The following SP100 variants were observed in gnomAD, a reference collection of about 807,000 sequenced individuals.
The protein encoded by SP100 is nuclear autoantigen Sp-100.
A neutral mutation model predicts 130.0 loss-of-function variants in SP100; 84 were observed. The observed-to-expected ratio is 0.65, with a 90% CI of 0.54 to 0.77. The LOEUF (loss-of-function observed/expected upper bound fraction) is 0.77, where lower values mean the gene tolerates loss of function less well. Ranked by LOEUF, SP100 falls within the 30% of genes least tolerant of loss-of-function variation. SP100 has a pLI of 0.00. For synonymous variants in SP100, 331 were observed against 351.7 expected, an observed-to-expected ratio of 0.94 and a Z score of 0.66; for missense variants, 978 against 1,052.2, an observed-to-expected ratio of 0.93 and a Z score of 0.97.
At chr2:230,494,728 C>G (rs1197765539) in intron 18 of SP100, among the ~76,000 whole-genome samples, 1 of 152,132 alleles carries the variant, frequency 6.6e-6, no homozygotes, top group Non-Finnish European at 1.5e-5. Flanking sequence ...AAGGGCTGAG[C>G]TGGTTGACAT....
At chr2:230,496,234 T>C (rs866027495) in intron 18 of SP100, among the ~76,000 whole-genome samples, 8 of 152,252 alleles carry the variant, frequency 5.3e-5, no homozygotes, top group Non-Finnish European at 1.2e-4. Context: ...TTTTCAAACC[T>C]GTTCTCTCAA....
chr2:230,500,081 G>A (rs1354871568), intron 19 of SP100, among the ~76,000 whole-genome samples: 1 of 152,118 alleles, frequency 6.6e-6, no homozygotes, highest in Non-Finnish European at 1.5e-5. Context: ...GATAACCAAA[G>A]AGTCGCCTAA....
chr2:230,540,981 G>C lies in SP100; in HGVS notation c.2316G>C (p.Leu772=). The change falls in exon 26 of 29, where the codon CTG becomes CTC. Residue 772 remains leucine, a synonymous_variant. Coordinates refer to ENST00000340126, the MANE Select transcript of SP100 (RefSeq NM_001080391.2). ...QESEVLMRQM[L]PEEQLKCEFL... ...CTGAAGTCCTGATGAGGCAGATGCT[G>C]CCTGAGGAGCAGTTGGTGAGTAAAA... The C allele has an allele frequency of 6.2e-7, 1 of 1,612,040 alleles. No individual in the cohort carries two copies. Among genetic ancestry groups the C allele is most frequent in the Non-Finnish European group, 8.5e-7 (1 of 1,178,660 alleles).
intron 24 of SP100, among the ~76,000 whole-genome samples, chr2:230,521,027 A>C (rs763513006): frequency 2.6e-5 from 4 of 152,234 alleles, no homozygotes; most frequent in Non-Finnish European, 5.9e-5. Flanking sequence ...GGAACTCATC[A>C]TGAGATTCAG....
chr2:230,472,802 C>A (rs2065339500), intron 15 of SP100, among the ~76,000 whole-genome samples: 1 of 152,106 alleles, frequency 6.6e-6, no homozygotes, highest in Non-Finnish European at 1.5e-5. Flanking sequence ...AATAAGGTGT[C>A]CCCTGGCCCC....
chr2:230,417,735 T>G, intron 2 of SP100, 70 bp downstream of exon 2: 1 of 1,571,058 alleles, frequency 6.4e-7, no homozygotes. Flanking sequence ...GATCAGCTTT[T>G]CATGTTTCTT....
intron 24 of SP100, among the ~76,000 whole-genome samples, chr2:230,514,310 T>C (rs1283568905): frequency 6.6e-6 from 1 of 152,146 alleles, no homozygotes. Context: ...AGCAGAAATA[T>C]AATGCACACA....
At chr2:230,416,862 A>G (rs1170557843) in intron 1 of SP100, 4 of 985,398 alleles carry the variant, frequency 4.1e-6, no homozygotes, top group Non-Finnish European at 3.6e-6. Flanking sequence ...AAAGAAGGAA[A>G]GGGAAGAAAA....
In SP100 at chr2:230,545,115, A is replaced by C. The variant is rs1480890297; in HGVS notation, c.*2169A>C. Among the ~76,000 whole-genome samples the C allele has an allele frequency of 6.6e-6, 1 of 152,374 alleles. No individual in the cohort carries two copies. Among genetic ancestry groups the C allele is most frequent in the African/African-American group, 2.4e-5 (1 of 41,594 alleles). On this transcript the variant is annotated 3_prime_UTR_variant, in exon 29 of 29. Coordinates refer to ENST00000340126, the MANE Select transcript of SP100 (RefSeq NM_001080391.2). ...CCAGAGGAATATAAATCATTCTACC[A>C]TAAAGACACATGCATGCAAATGTCC...
intron 8 of SP100, among the ~76,000 whole-genome samples, chr2:230,455,472 TC>T (rs1470478296): frequency 7.2e-5 from 11 of 152,206 alleles, no homozygotes; most frequent in African/African-American, 2.7e-4. Flanking sequence ...GCATGAAATA[TC>T]TTTTTCTATC....
chr2:230,515,874 G>C (rs1472949292), intron 24 of SP100: 1 of 1,248,370 alleles, frequency 8.0e-7, no homozygotes, highest in African/African-American at 1.5e-5. Flanking sequence ...TTGTAAATTG[G>C]CATGGAAATT....
intron 8 of SP100, among the ~76,000 whole-genome samples, chr2:230,452,818 G>GTTTT (rs371944455): frequency 4.1e-5 from 5 of 122,050 alleles, no homozygotes; most frequent in African/African-American, 1.2e-4. Flanking sequence ...AGTTCTAGCA[G>GTTTT]TTTTTTTTTT....
chr2:230,440,545 A>G, intron 2 of SP100: 1 of 1,380,290 alleles, frequency 7.2e-7, no homozygotes, highest in East Asian at 3.0e-5. Flanking sequence ...GTGCTGGGTA[A>G]AATTAAACAC....
chr2:230,482,869 T>C (rs1434164647), intron 17 of SP100, among the ~76,000 whole-genome samples: 2 of 152,202 alleles, frequency 1.3e-5, no homozygotes, highest in African/African-American at 4.8e-5. Context: ...TCTTGGCTAT[T>C]ACAGCCATTT....
chr2:230,439,524 A>G (rs1428544523), intron 2 of SP100, among the ~76,000 whole-genome samples: 1 of 152,020 alleles, frequency 6.6e-6, no homozygotes, highest in Non-Finnish European at 1.5e-5. Flanking sequence ...CTCCTTGGTT[A>G]GGTATATCCT....
At position 230,524,179 on chromosome 2, in the gene SP100, C is replaced by CAAAAAAAAAAAAAAAAAAAAA. The variant is rs71420292; in HGVS notation, c.2094+13015_2094+13035dup. Among the ~76,000 whole-genome samples the CAAAAAAAAAAAAAAAAAAAAA allele has an allele frequency of 5.3e-5, 4 of 75,420 alleles. 1 individual carries two copies. Among genetic ancestry groups the CAAAAAAAAAAAAAAAAAAAAA allele is most frequent in the African/African-American group, 1.1e-4 (2 of 18,572 alleles). The allele number at this position is 75,420 out of a possible 152,430, so 49.5% of individuals were successfully genotyped here. On this transcript the variant is annotated intron_variant, in intron 24 of 28. Coordinates refer to ENST00000340126, the MANE Select transcript of SP100 (RefSeq NM_001080391.2). ...TGAAACCCTGTCTATACTAAAAATA[C>CAAAAAAAAAAAAAAAAAAAAA]AAAAAAAAAAAAAAAAAAAAAAGAA... is the stretch of plus-strand genomic sequence containing the variant.
chr2:230,468,535 T>A (rs570991957), intron 13 of SP100, among the ~76,000 whole-genome samples: 11 of 151,746 alleles, frequency 7.2e-5, no homozygotes, highest in Non-Finnish European at 1.5e-4. Flanking sequence ...CCAGGTGTGG[T>A]GGCTCACGCC....
chr2:230,497,113 G>A (rs1347657472), intron 18 of SP100, among the ~76,000 whole-genome samples: 3 of 152,102 alleles, frequency 2.0e-5, no homozygotes, highest in Admixed American at 2.0e-4. Context: ...ATTTGAGCAA[G>A]ACAATTTGCA....
At chr2:230,542,198 T>C (rs368788615) in intron 28 of SP100, among the ~76,000 whole-genome samples, 163 bp downstream of exon 28, 2 of 152,152 alleles carry the variant, frequency 1.3e-5, no homozygotes, top group South Asian at 2.1e-4. Context: ...CTGTAGTGCA[T>C]GTGGAGAAAA....
Sources: gnomAD v4.1 joint callset for allele counts (sites outside exome capture counted in the v4.1 genomes callset) on GRCh38, gnomAD v4.1.1 for gene constraint, MANE v1.5 for transcripts, NCBI Gene and HGNC (gene_info 2026-07-23, HGNC 2026-07-21) for gene names.